The following SPATA16 variants were observed in gnomAD, a reference collection of about 807,000 sequenced individuals.
SPATA16 encodes the protein spermatogenesis-associated protein 16.
Under a neutral mutation model 63.3 loss-of-function variants are expected in SPATA16, and 36 were observed. The observed-to-expected ratio is 0.57, with a 90% CI of 0.44 to 0.75. The LOEUF (loss-of-function observed/expected upper bound fraction) is 0.75. Among genes scored for constraint, SPATA16 ranks in the 30% least tolerant of loss-of-function variants. SPATA16 has a pLI of 0.00. For synonymous variants in SPATA16, 203 were observed against 216.7 expected (o/e 0.94, Z 0.56); for missense variants, 646 against 679.3 (o/e 0.95, Z 0.54).
intron 2 of SPATA16, among the ~76,000 whole-genome samples, chr3:173,098,841 G>C (rs556662114): frequency 1.3e-5 from 2 of 152,222 alleles, no homozygotes; most frequent in Non-Finnish European, 2.9e-5. Context: ...CCGCCCATAT[G>C]ATCACTAAAG....
At chr3:172,990,929 A>T (rs549977616) in intron 4 of SPATA16, among the ~76,000 whole-genome samples, 1 of 152,146 alleles carries the variant, frequency 6.6e-6, no homozygotes, top group Admixed American at 6.6e-5. Flanking sequence ...ACTAGCAATA[A>T]AAATGTATGA....
At chr3:173,005,209 A>G (rs973556368) in intron 4 of SPATA16, among the ~76,000 whole-genome samples, 10 of 151,790 alleles carry the variant, frequency 6.6e-5, no homozygotes, top group Admixed American at 1.3e-4. Context: ...CTGTAGTCCC[A>G]GCTACTTGGG....
chr3:172,959,535 G>A (rs1373662230), intron 5 of SPATA16, among the ~76,000 whole-genome samples: 2 of 152,220 alleles, frequency 1.3e-5, no homozygotes, highest in East Asian at 3.9e-4. Flanking sequence ...TGAGTAAATA[G>A]AGAGAGTATG....
chr3:172,999,313 A>G (rs1248285246), intron 4 of SPATA16, among the ~76,000 whole-genome samples: 4 of 152,144 alleles, frequency 2.6e-5, no homozygotes, highest in African/African-American at 9.7e-5. Flanking sequence ...CAGTTATCAA[A>G]TTTGTGGACA....
chr3:172,912,430 T>C (rs758799472), intron 10 of SPATA16, among the ~76,000 whole-genome samples: 15 of 152,196 alleles, frequency 9.9e-5, no homozygotes, highest in African/African-American at 3.4e-4. Context: ...TCAACACATA[T>C]TTGCTGACAG....
chr3:172,930,824 T>G (rs1024906364), intron 6 of SPATA16, among the ~76,000 whole-genome samples: 3 of 151,870 alleles, frequency 2.0e-5, no homozygotes, highest in Non-Finnish European at 2.9e-5. Flanking sequence ...AGTGGTGAGA[T>G]TACAGGCGTG....
At chr3:172,899,497 T>C (rs6795709) in intron 10 of SPATA16, among the ~76,000 whole-genome samples, 8,826 of 152,064 alleles carry the variant, frequency 0.058, 503 homozygotes, top group African/African-American at 0.15. Flanking sequence ...TTTTTACATT[T>C]TTTAACTCTT....
At chr3:173,013,439 T>A (rs1013338357) in intron 4 of SPATA16, among the ~76,000 whole-genome samples, 1 of 152,150 alleles carries the variant, frequency 6.6e-6, no homozygotes, top group African/African-American at 2.4e-5. Flanking sequence ...TATTATTGAG[T>A]GCACTCAGAC....
intron 6 of SPATA16, among the ~76,000 whole-genome samples, chr3:172,953,251 T>G (rs1733488407): frequency 6.6e-6 from 1 of 152,132 alleles, no homozygotes; most frequent in Non-Finnish European, 1.5e-5. Context: ...AATAAATGAA[T>G]AGATGAACAA....
chr3:172,971,109 A>G (rs969998079), intron 5 of SPATA16, among the ~76,000 whole-genome samples: 2 of 152,168 alleles, frequency 1.3e-5, no homozygotes, highest in African/African-American at 4.8e-5. Flanking sequence ...TGAAAGAAGC[A>G]GTTAGGAGGC....
At chr3:173,072,755 A>T (rs886316899) in intron 2 of SPATA16, among the ~76,000 whole-genome samples, 1 of 152,214 alleles carries the variant, frequency 6.6e-6, no homozygotes, top group Non-Finnish European at 1.5e-5. Context: ...AATACAGTAA[A>T]TTGGCACTGG....
intron 3 of SPATA16, among the ~76,000 whole-genome samples, chr3:173,040,891 A>C (rs1282080618): frequency 6.6e-6 from 1 of 152,078 alleles, no homozygotes; most frequent in Admixed American, 6.6e-5. Context: ...CTGCTTGAGA[A>C]CTATTTCTTA....
At chr3:173,055,309 CA>C (rs1172830606) in intron 2 of SPATA16, among the ~76,000 whole-genome samples, 1 of 152,188 alleles carries the variant, frequency 6.6e-6, no homozygotes, top group Non-Finnish European at 1.5e-5. Flanking sequence ...CTTATATTCA[CA>C]CAAAAATCTG....
chr3:172,962,301 A>G (rs941093499), intron 5 of SPATA16, among the ~76,000 whole-genome samples: 3 of 148,672 alleles, frequency 2.0e-5, no homozygotes, highest in Non-Finnish European at 3.0e-5. Flanking sequence ...GGGAAGGAAG[A>G]TGGCACTACA....
chr3:173,066,323 G>T (rs1238170929), intron 2 of SPATA16, among the ~76,000 whole-genome samples: 1 of 152,190 alleles, frequency 6.6e-6, no homozygotes, highest in African/African-American at 2.4e-5. Context: ...CAGCCAGGCA[G>T]TAGTGGTTGC....
At chr3:173,057,055 C>T (rs73044941) in intron 2 of SPATA16, among the ~76,000 whole-genome samples, 30,467 of 150,936 alleles carry the variant, frequency 0.2, 3,716 homozygotes, top group African/African-American at 0.35. Context: ...AAGTTTTCTT[C>T]GGTTACATCT....
intron 6 of SPATA16, among the ~76,000 whole-genome samples, chr3:172,948,648 GTAGTGA>G (rs559659373): frequency 8.5e-4 from 127 of 149,468 alleles, no homozygotes; most frequent in African/African-American, 3.1e-3. Flanking sequence ...TAATTTTTTT[GTAGTGA>G]TGGGGGTCTC....
intron 4 of SPATA16, among the ~76,000 whole-genome samples, chr3:173,014,997 T>C (rs1296457088): frequency 6.6e-6 from 1 of 152,190 alleles, no homozygotes; most frequent in Non-Finnish European, 1.5e-5. Flanking sequence ...GTGTTATTCC[T>C]GTTTTTGTAT....
At chr3:173,017,636 G>T (rs544804443) in intron 4 of SPATA16, among the ~76,000 whole-genome samples, 1 of 152,252 alleles carries the variant, frequency 6.6e-6, no homozygotes, top group Admixed American at 6.5e-5. Flanking sequence ...AGCTCGCTCC[G>T]AATTCCTGAA....
Sources: allele counts gnomAD v4.1 joint callset (sites outside exome capture counted in the v4.1 genomes callset), GRCh38; gene constraint gnomAD v4.1.1; transcripts MANE v1.5; gene names NCBI Gene and HGNC (gene_info 2026-07-23, HGNC 2026-07-21).